Variants in PNKD observed in about 807,000 individuals in gnomAD.
The protein encoded by PNKD is probable thioesterase PNKD.
PNKD carries 36 observed loss-of-function variants against 45.3 expected under a neutral mutation model. The observed-to-expected ratio is 0.80, with a 90% CI of 0.61 to 1.05. PNKD has a LOEUF of 1.05. PNKD is among the 50% of genes least tolerant of loss of function. PNKD has a pLI of 0.00. For synonymous variants in PNKD, 197 were observed against 210.1 expected (o/e 0.94, Z 0.54); for missense variants, 511 against 506.6 (o/e 1.01, Z -0.08).
At chr2:218,272,521 C>G in intron 2 of PNKD, 1 of 1,599,996 alleles carries the variant, frequency 6.3e-7, no homozygotes, top group Non-Finnish European at 8.6e-7. Flanking sequence ...GCTCCTCTGG[C>G]TCAGGCTTGG....
At position 218,344,535 on chromosome 2, in the gene PNKD, T is replaced by G; in HGVS notation, c.949T>G (p.Trp317Gly). 1 of 1,591,636 alleles carries G rather than the reference T, an allele frequency of 6.3e-7. No individual in the cohort carries two copies. The highest frequency in any genetic ancestry group is 8.6e-7 in the Non-Finnish European group (1 of 1,168,924). ...ENLARERKMQWVQRQRLERKG... is the reference protein window; with the variant it reads ...ENLARERKMQGVQRQRLERKG... The stretch of plus-strand genomic sequence containing the variant: ...CCTGGCCCGGGAGAGGAAGATGCAG[T>G]GGGTGCAGCGGCAGCGGCTGGAGCG... Residue 317 changes from tryptophan to glycine, a missense_variant, in exon 9 of 10, where the codon TGG becomes GGG. Coordinates refer to ENST00000273077, the MANE Select transcript of PNKD (RefSeq NM_015488.5).
intron 2 of PNKD, among the ~76,000 whole-genome samples, chr2:218,281,383 C>T (rs1574644425): frequency 6.6e-6 from 1 of 152,246 alleles, no homozygotes; most frequent in South Asian, 2.1e-4. Context: ...GTGATCTGCT[C>T]GCCTCAGCCT....
intron 2 of PNKD, among the ~76,000 whole-genome samples, chr2:218,324,658 G>C (rs1204248062): frequency 2.0e-5 from 3 of 152,160 alleles, no homozygotes; most frequent in African/African-American, 7.2e-5. Flanking sequence ...ATTTAGGCCA[G>C]GTGCGGTGGC....
Position 218,346,221 on chromosome 2 carries a change from G to C in PNKD, c.*1240G>C, listed in dbSNP as rs1694824240. 1 of 152,724 alleles carries C rather than the reference G, an allele frequency of 6.5e-6. No individual in the cohort carries two copies. Among genetic ancestry groups the C allele is most frequent in the South Asian group, 2.1e-4 (1 of 4,834 alleles). The allele number at this position is 152,724 out of a possible 1,614,324, so 9.5% of individuals were successfully genotyped here. ...CGAGGAACCCTGTGGTCCTCAGGCAGGTGTACCTTGAGTCAGCCAGGAGCC... is the reference window on the plus strand; with the variant it reads ...CGAGGAACCCTGTGGTCCTCAGGCACGTGTACCTTGAGTCAGCCAGGAGCC... On this transcript the variant is annotated 3_prime_UTR_variant, in exon 10 of 10. Transcript: ENST00000273077.
chr2:218,304,762 T>G (rs560114385), intron 2 of PNKD, among the ~76,000 whole-genome samples: 1 of 152,232 alleles, frequency 6.6e-6, no homozygotes, highest in Non-Finnish European at 1.5e-5. Context: ...TCTCCAAGCC[T>G]TCGTTTGTTC....
intron 2 of PNKD, among the ~76,000 whole-genome samples, chr2:218,332,975 A>G (rs902364794): frequency 1.3e-5 from 2 of 152,120 alleles, no homozygotes; most frequent in Non-Finnish European, 2.9e-5. Context: ...TTGGTGCCAC[A>G]TCACCCAGAA....
At position 218,309,476 on chromosome 2, in the gene PNKD, G is replaced by A. The variant is rs572823188; in HGVS notation, c.237-30307G>A. The stretch of plus-strand genomic sequence containing the variant: ...AGAAAGAAAAAAGAAATGGGGTTTT[G>A]CTATGTTGGCCAGGTTGGTCTGGAA... On this transcript the variant is annotated intron_variant, in intron 2 of 9. Coordinates refer to ENST00000273077, the MANE Select transcript of PNKD (RefSeq NM_015488.5). Among the ~76,000 whole-genome samples the A allele has an allele frequency of 1.7e-4, 25 of 150,068 alleles. No homozygotes were observed. The East Asian group carries it at 2.0e-3, about 12-fold the overall frequency.
At chr2:218,277,196 G>T in intron 2 of PNKD, 1 of 1,216,658 alleles carries the variant, frequency 8.2e-7, no homozygotes, top group Non-Finnish European at 1.2e-6. Context: ...GCCTCCTAGG[G>T]GGTATGGGAA....
At chr2:218,303,870 G>A (rs1304036709) in intron 2 of PNKD, among the ~76,000 whole-genome samples, 3 of 151,386 alleles carry the variant, frequency 2.0e-5, no homozygotes, top group East Asian at 2.0e-4. Context: ...CACCACGCCC[G>A]GCCAGACCCG....
At chr2:218,303,829 C>T (rs573628878) in intron 2 of PNKD, among the ~76,000 whole-genome samples, 1 of 152,136 alleles carries the variant, frequency 6.6e-6, no homozygotes, top group African/African-American at 2.4e-5. Flanking sequence ...CTGCCTCAGC[C>T]TCCCAAAGTG....
chr2:218,285,194 C>A (rs1192201011), intron 2 of PNKD, among the ~76,000 whole-genome samples: 2 of 152,200 alleles, frequency 1.3e-5, no homozygotes, highest in African/African-American at 4.8e-5. Flanking sequence ...TTACAACAGT[C>A]CAGCAAGTTA....
intron 2 of PNKD, chr2:218,277,492 C>G (rs373391185): frequency 1.2e-4 from 188 of 1,610,766 alleles, no homozygotes; most frequent in Non-Finnish European, 1.6e-4. Flanking sequence ...AGGCATTAAG[C>G]CACGTATGAA....
chr2:218,272,988 G>A (rs1006464538), intron 2 of PNKD: 2 of 1,351,646 alleles, frequency 1.5e-6, no homozygotes, highest in South Asian at 2.9e-5. Flanking sequence ...GGGAGGGGCA[G>A]AGGGTGGGGC....
intron 2 of PNKD, chr2:218,318,096 G>A (rs1415949591): frequency 6.6e-6 from 1 of 152,304 alleles, no homozygotes; most frequent in Non-Finnish European, 1.5e-5. Flanking sequence ...CAAAGATGGA[G>A]GCAGGCTCTC....
Position 218,340,091 on chromosome 2 carries a change from C to T in PNKD, c.415C>T (p.Gln139Ter), listed in dbSNP as rs372675235. Residue 139 changes from glutamine (Q) to a stop codon, truncating the protein, a stop_gained, in exon 4 of 10, where the codon CAG (glutamine) becomes TAG (stop). Coordinates refer to ENST00000273077, the MANE Select transcript of PNKD (RefSeq NM_015488.5). LOFTEE classifies it high-confidence loss of function. The surrounding 1 kb of genome is among the most constrained non-coding windows in gnomAD (Gnocchi z 4.2). The stretch of plus-strand genomic sequence containing the variant: ...CTACAGCTACCTCATCATCGACACC[C>T]AGGCCCAGCTGGCTGTGGCTGTGGA... ...DNYSYLIIDT[Q>*]AQLAVAVDPS... 13 of 1,613,888 alleles carry T rather than the reference C, an allele frequency of 8.1e-6. No individual in the cohort carries two copies. The highest frequency in any genetic ancestry group is 1.3e-5 in the African/African-American group (1 of 74,936).
intron 2 of PNKD, among the ~76,000 whole-genome samples, chr2:218,307,743 T>A (rs1693460837): frequency 6.6e-6 from 1 of 152,114 alleles, no homozygotes; most frequent in Non-Finnish European, 1.5e-5. Flanking sequence ...GTAATGAGTA[T>A]ACAGGTGGTA....
At chr2:218,281,342 G>A (rs1455526143) in intron 2 of PNKD, among the ~76,000 whole-genome samples, 1 of 151,926 alleles carries the variant, frequency 6.6e-6, no homozygotes. Context: ...TTGCCATGTT[G>A]GCCAGGCTGG....
chr2:218,301,766 G>A (rs1693280142), intron 2 of PNKD, among the ~76,000 whole-genome samples: 1 of 152,136 alleles, frequency 6.6e-6, no homozygotes, highest in African/African-American at 2.4e-5. Context: ...CTGGGCAACA[G>A]CCTGAGCTAC....
intron 2 of PNKD, chr2:218,282,325 C>T (rs1353698716): frequency 3.8e-6 from 2 of 528,412 alleles, no homozygotes; most frequent in African/African-American, 2.0e-5. Flanking sequence ...GTGTGATTTG[C>T]TGTCCACAGG....
Sources: gnomAD v4.1 joint callset for allele counts (sites outside exome capture counted in the v4.1 genomes callset) on GRCh38, gnomAD v4.1.1 for gene constraint, Gnocchi (gnomAD v3.1) non-coding constraint, MANE v1.5 for transcripts, NCBI Gene and HGNC (gene_info 2026-07-23, HGNC 2026-07-21) for gene names.